The following SARDH variants were observed in gnomAD, a reference collection of about 807,000 sequenced individuals.
SARDH encodes the protein sarcosine dehydrogenase.
A neutral mutation model predicts 109.1 loss-of-function variants in SARDH; 95 were observed. The ratio of observed to expected loss-of-function variants is 0.87; its 90% CI spans 0.74 to 1.03. SARDH has a LOEUF of 1.03. SARDH is among the 50% of genes least tolerant of loss of function. The pLI is 0.00. For missense variants in SARDH, 1,267 were observed against 1,287.8 expected (o/e 0.98, Z 0.25); for synonymous variants, 572 against 534.8 (o/e 1.07, Z -0.96).
Position 133,729,865 on chromosome 9 carries a change from C to T in SARDH, c.815G>A (p.Gly272Glu). 6.2e-7 allele frequency: 1 copy of T among 1,611,386 alleles called. No homozygotes were observed. Among genetic ancestry groups the T allele is most frequent in the Non-Finnish European group, 8.5e-7 (1 of 1,179,870 alleles). Residue 272 changes from glycine to glutamate, a missense_variant and splice_region_variant, in exon 6 of 21, where the codon GGA becomes GAA. Transcript: ENST00000439388. ...IQTPCVVNCA[G>E]VWASAVGRMA... ...CCGGCCCACAGCACTTGCCCACACT[C>T]CTGCGGGCAGAGCACAGACAGCTCA...
At chr9:133,706,910 C>A (rs1172627467) in intron 11 of SARDH, among the ~76,000 whole-genome samples, 2 of 152,152 alleles carry the variant, frequency 1.3e-5, no homozygotes, top group African/African-American at 2.4e-5. Flanking sequence ...CCACAGCATT[C>A]ATCAATGACA....
rs488013 is a variant in SARDH, at chr9:133,709,350, C to T, written c.1329-922G>A. On this transcript the variant is annotated intron_variant, in intron 10 of 20. Transcript: ENST00000439388. The surrounding 1 kb of genome is among the most constrained non-coding windows in gnomAD (Gnocchi z 4.2). ...TCAGACCAGCCACCCGTCCCGAATC[C>T]GACAGTGCGGAACTGCTGGCTGGAG... 6.6e-6 allele frequency among the ~76,000 whole-genome samples: 1 copy of T among 151,844 alleles called. No homozygotes were observed. The highest frequency in any genetic ancestry group is 1.9e-4 in the East Asian group (1 of 5,132).
At chr9:133,736,262 C>A (rs1346545150) in intron 1 of SARDH, among the ~76,000 whole-genome samples, 1 of 152,214 alleles carries the variant, frequency 6.6e-6, no homozygotes, top group East Asian at 1.9e-4. Flanking sequence ...CGCCTGGAAT[C>A]CTCTCTCTCC....
intron 13 of SARDH, among the ~76,000 whole-genome samples, chr9:133,697,844 G>A (rs1018668916): frequency 6.6e-6 from 1 of 151,812 alleles, no homozygotes; most frequent in African/African-American, 2.4e-5. Context: ...ACAAGACAGG[G>A]GGGTCCATTC....
chr9:133,671,067 G>A (rs1042954541), intron 18 of SARDH, among the ~76,000 whole-genome samples: 10 of 152,262 alleles, frequency 6.6e-5, no homozygotes, highest in African/African-American at 1.4e-4. Context: ...GCTGCCTGAC[G>A]CCCAAGCTGG....
chr9:133,730,735 T>C (rs1485766601), intron 4 of SARDH, among the ~76,000 whole-genome samples: 1 of 152,066 alleles, frequency 6.6e-6, no homozygotes. Flanking sequence ...CCCAGGACTT[T>C]GGGAGGCCGA....
intron 13 of SARDH, among the ~76,000 whole-genome samples, chr9:133,697,075 T>C (rs545087456): frequency 9.2e-5 from 14 of 152,100 alleles, no homozygotes; most frequent in African/African-American, 3.4e-4. Context: ...ACAGAGAAAA[T>C]GAGAGGACTC....
intron 20 of SARDH, among the ~76,000 whole-genome samples, chr9:133,664,751 TAAA>T: frequency 6.6e-6 from 1 of 151,940 alleles, no homozygotes. Context: ...ATGAAAAAAA[TAAA>T]AAACAAACCA....
chr9:133,699,238 C>G (rs1162193005), intron 13 of SARDH, among the ~76,000 whole-genome samples: 5 of 149,736 alleles, frequency 3.3e-5, no homozygotes, highest in African/African-American at 4.9e-5. Context: ...CCCAGCTACT[C>G]AGGAGGCTGA....
At chr9:133,690,664 C>T (rs942748895) in intron 15 of SARDH, 137 bp from the exon 16 acceptor site, 13 of 972,048 alleles carry the variant, frequency 1.3e-5, no homozygotes, top group African/African-American at 4.9e-5. Context: ...GCCCAGGAAC[C>T]GTATCTGTCC....
intron 17 of SARDH, among the ~76,000 whole-genome samples, chr9:133,673,022 G>A (rs1427359416): frequency 3.3e-5 from 5 of 152,224 alleles, no homozygotes; most frequent in Non-Finnish European, 7.3e-5. Context: ...GTGGGAACAC[G>A]GTCAGTAATG....
At chr9:133,735,202 T>G (rs1344278160) in intron 1 of SARDH, among the ~76,000 whole-genome samples, 2 of 152,088 alleles carry the variant, frequency 1.3e-5, no homozygotes, top group African/African-American at 4.8e-5. Flanking sequence ...GGTTGCCCCC[T>G]CATCAGCCCC....
chr9:133,734,554 G>T (rs1269126345), intron 1 of SARDH, among the ~76,000 whole-genome samples: 1 of 152,204 alleles, frequency 6.6e-6, no homozygotes, highest in African/African-American at 2.4e-5. Context: ...GGTGAGGATA[G>T]GTCTCTGCCA....
At chr9:133,721,978 T>A (rs1185353340) in intron 6 of SARDH, among the ~76,000 whole-genome samples, 1 of 152,102 alleles carries the variant, frequency 6.6e-6, no homozygotes, top group Non-Finnish European at 1.5e-5. Context: ...CAGCTGGGTG[T>A]CGTGGCACAT....
chr9:133,675,998 GGGGGAGGATCA>G (rs1281913497), intron 17 of SARDH, among the ~76,000 whole-genome samples: 2 of 148,428 alleles, frequency 1.3e-5, no homozygotes, highest in South Asian at 2.1e-4. Flanking sequence ...AAGGCTGAAG[GGGGGAGGATCA>G]CTTGAGACCA....
chr9:133,688,919 ACGCGTCTAC>A, intron 16 of SARDH, among the ~76,000 whole-genome samples: 1 of 152,244 alleles, frequency 6.6e-6, no homozygotes, highest in East Asian at 1.9e-4. Context: ...CTCAGCAAGC[ACGCGTCTAC>A]CGTGTGCCCC....
rs1227377037 is a variant in SARDH at position 133,686,553 on chromosome 9, G to T, written c.2070-1267C>A. Among the ~76,000 whole-genome samples, 2 of 151,698 alleles carry T rather than the reference G, an allele frequency of 1.3e-5. No individual in the cohort carries two copies. The highest frequency in any genetic ancestry group is 4.8e-5 in the African/African-American group (2 of 41,258). On this transcript the variant is annotated intron_variant, in intron 16 of 20. Coordinates refer to ENST00000439388, the MANE Select transcript of SARDH (RefSeq NM_001134707.2). The surrounding 1 kb of genome is among the most constrained non-coding windows in gnomAD (Gnocchi z 4.0). ...ATGCATCCACCCCCAGGAGCTCCGT[G>T]CCAACAGCATCCCCCTATCCCAATG... is the stretch of plus-strand genomic sequence containing the variant.
intron 13 of SARDH, among the ~76,000 whole-genome samples, chr9:133,699,641 T>C (rs920632366): frequency 1.3e-5 from 2 of 152,152 alleles, no homozygotes; most frequent in Non-Finnish European, 2.9e-5. Context: ...TCATTAGTTG[T>C]TCCAGGAATG....
At chr9:133,735,071 G>A (rs534872717) in intron 1 of SARDH, among the ~76,000 whole-genome samples, 9 of 152,280 alleles carry the variant, frequency 5.9e-5, no homozygotes, top group Non-Finnish European at 1.0e-4. Flanking sequence ...GAGAGGCATC[G>A]TGGATGCTAC....
Sources: allele counts gnomAD v4.1 joint callset (sites outside exome capture counted in the v4.1 genomes callset), GRCh38; gene constraint gnomAD v4.1.1; non-coding constraint Gnocchi (gnomAD v3.1); transcripts MANE v1.5; gene names NCBI Gene and HGNC (gene_info 2026-07-23, HGNC 2026-07-21).